Variants in RALYL observed in about 807,000 individuals in gnomAD.
The protein encoded by RALYL is RALY RNA binding protein like, also known as RNA-binding Raly-like protein.
In RALYL, 29 loss-of-function variants were observed where a neutral mutation model predicts 35.1. That is an observed-to-expected ratio of 0.83 (90% CI 0.61 to 1.13). The LOEUF (loss-of-function observed/expected upper bound fraction) is 1.13, where lower values mean the gene tolerates loss of function less well. RALYL is among the 50% of genes most tolerant of loss of function. RALYL has a pLI of 0.00. For synonymous variants in RALYL, 120 were observed against 127.6 expected, an observed-to-expected ratio of 0.94 and a Z score of 0.40; for missense variants, 359 against 360.4, an observed-to-expected ratio of 1.00 and a Z score of 0.03.
chr8:84,583,954 AT>A (rs147341740), intron 2 of RALYL, among the ~76,000 whole-genome samples: 7 of 151,964 alleles, frequency 4.6e-5, no homozygotes, highest in Non-Finnish European at 7.4e-5. Flanking sequence ...ATATTTTTAA[AT>A]TTTTTTATTT....
At chr8:84,831,477 C>T (rs1413665767) in intron 4 of RALYL, among the ~76,000 whole-genome samples, 3 of 152,080 alleles carry the variant, frequency 2.0e-5, no homozygotes, top group African/African-American at 7.2e-5. Flanking sequence ...TAGTCACTCA[C>T]CTGGTTTTGT....
intron 2 of RALYL, among the ~76,000 whole-genome samples, chr8:84,761,188 C>G (rs1303174882): frequency 6.6e-6 from 1 of 151,820 alleles, no homozygotes; most frequent in Admixed American, 6.6e-5. Context: ...GTAATACTTA[C>G]AAAGCAAAGT....
intron 4 of RALYL, among the ~76,000 whole-genome samples, chr8:84,809,017 C>T (rs980606155): frequency 6.6e-6 from 1 of 152,104 alleles, no homozygotes; most frequent in Non-Finnish European, 1.5e-5. Flanking sequence ...TGTCTAGTTG[C>T]TCTGGCTAGG....
chr8:84,818,082 C>T (rs1341149658), intron 4 of RALYL, among the ~76,000 whole-genome samples: 1 of 152,040 alleles, frequency 6.6e-6, no homozygotes, highest in Non-Finnish European at 1.5e-5. Context: ...AGAGTGAAAT[C>T]AGCACAGGAG....
chr8:84,434,242 C>T (rs1587220081), intron 1 of RALYL, among the ~76,000 whole-genome samples: 1 of 152,006 alleles, frequency 6.6e-6, no homozygotes, highest in African/African-American at 2.4e-5. Flanking sequence ...TAGATTAGGG[C>T]CCACCCTAAT....
intron 2 of RALYL, among the ~76,000 whole-genome samples, chr8:84,566,254 ATAT>A (rs781490048): frequency 2.8e-4 from 42 of 151,684 alleles, no homozygotes; most frequent in Non-Finnish European, 4.1e-4. Flanking sequence ...CATTATAATA[ATAT>A]TATTCTATAC....
At chr8:84,510,751 G>A (rs1197925591) in intron 1 of RALYL, among the ~76,000 whole-genome samples, 3 of 151,798 alleles carry the variant, frequency 2.0e-5, no homozygotes, top group Admixed American at 6.6e-5. Context: ...TGGAGGTTGC[G>A]GTGAGCTGAG....
chr8:84,210,410 C>A (rs1341007447), intron 1 of RALYL, among the ~76,000 whole-genome samples: 1 of 151,182 alleles, frequency 6.6e-6, no homozygotes, highest in African/African-American at 2.4e-5. Flanking sequence ...TATATCACCA[C>A]AGGACCAGTA....
At chr8:84,876,141 G>A (rs1036016128) in intron 7 of RALYL, among the ~76,000 whole-genome samples, 2 of 152,104 alleles carry the variant, frequency 1.3e-5, no homozygotes, top group Non-Finnish European at 2.9e-5. Flanking sequence ...AGATTGTTAA[G>A]TTCCTCAGAA....
intron 2 of RALYL, among the ~76,000 whole-genome samples, chr8:84,615,624 T>C (rs1373699043): frequency 6.9e-6 from 1 of 144,806 alleles, no homozygotes; most frequent in Non-Finnish European, 1.5e-5. Context: ...CTTTAAGTTT[T>C]AGGGTACATG....
At chr8:84,488,927 C>T (rs2054941908) in intron 1 of RALYL, among the ~76,000 whole-genome samples, 1 of 151,926 alleles carries the variant, frequency 6.6e-6, no homozygotes, top group East Asian at 1.9e-4. Flanking sequence ...TTTAAAAGAA[C>T]TACTTCTTTA....
chr8:84,597,193 TA>T (rs1314954544), intron 2 of RALYL, among the ~76,000 whole-genome samples: 4 of 152,158 alleles, frequency 2.6e-5, no homozygotes, highest in Non-Finnish European at 5.9e-5. Context: ...TCCAGTGGAA[TA>T]AGTCCTTTAT....
chr8:84,578,191 C>A (rs371282319), intron 2 of RALYL, among the ~76,000 whole-genome samples: 9 of 152,378 alleles, frequency 5.9e-5, no homozygotes, highest in African/African-American at 1.9e-4. Flanking sequence ...GTGGGATGGG[C>A]AGCTCTGGGT....
chr8:84,854,818 A>G (rs1299946967), intron 5 of RALYL, among the ~76,000 whole-genome samples: 1 of 152,190 alleles, frequency 6.6e-6, no homozygotes, highest in African/African-American at 2.4e-5. Context: ...CTGTAGAAAA[A>G]GAGCCTACCA....
rs1563800012 is a variant in RALYL at position 84,367,327 on chromosome 8, T to TTTTTTTTTG, written c.-23-161964_-23-161963insGTTTTTTTT. ...CCCAACTAATTTTTGTATTTTTTTTTTTTTTTTTTTTTTTTTTTTTTTTTT... is the reference window on the plus strand; with the variant it reads ...CCCAACTAATTTTTGTATTTTTTTTTTTTTTTTTGTTTTTTTTTTTTTTTTTTTTTTTTT... On this transcript the variant is annotated intron_variant, in intron 1 of 8. Transcript: ENST00000521268. Among the ~76,000 whole-genome samples the TTTTTTTTTG allele has an allele frequency of 1.1e-3, 27 of 23,542 alleles. 2 individuals carry two copies. Among genetic ancestry groups the TTTTTTTTTG allele is most frequent in the Non-Finnish European group, 1.6e-3 (23 of 14,310 alleles). 15.4% of individuals were successfully genotyped at this position (23,542 alleles called of 152,430 possible). A position where few individuals can be genotyped will look rare whatever the true frequency, so the allele number is the denominator to read the frequency against.
chr8:84,608,390 T>G (rs965359932), intron 2 of RALYL, among the ~76,000 whole-genome samples: 2 of 152,086 alleles, frequency 1.3e-5, no homozygotes, highest in Non-Finnish European at 2.9e-5. Context: ...TAGCAATTCC[T>G]CCTCTTACCC....
chr8:84,233,608 G>A (rs1189150936), intron 1 of RALYL, among the ~76,000 whole-genome samples: 2 of 152,090 alleles, frequency 1.3e-5, no homozygotes, highest in African/African-American at 4.8e-5. Flanking sequence ...TCTTCCAACC[G>A]TTCAAACTCA....
intron 2 of RALYL, 93 bp downstream of exon 2, chr8:84,529,670 C>A: frequency 1.8e-6 from 2 of 1,121,904 alleles, no homozygotes; most frequent in Non-Finnish European, 2.5e-6. Context: ...TTGTTTCTAC[C>A]TCTTCTTTAA....
chr8:84,539,315 G>A (rs894519582), intron 2 of RALYL, among the ~76,000 whole-genome samples: 4 of 152,138 alleles, frequency 2.6e-5, no homozygotes, highest in Admixed American at 1.3e-4. Flanking sequence ...ACAAAGTGAT[G>A]TAAAAACCTA....
Sources: gnomAD v4.1 joint callset for allele counts (sites outside exome capture counted in the v4.1 genomes callset) on GRCh38, gnomAD v4.1.1 for gene constraint, MANE v1.5 for transcripts, NCBI Gene and HGNC (gene_info 2026-07-23, HGNC 2026-07-21) for gene names.